Variants in FOXP1 observed in about 807,000 individuals in gnomAD.
The protein encoded by FOXP1 is forkhead box P1.
Under a neutral mutation model 98.2 loss-of-function variants are expected in FOXP1, and 15 were observed. The ratio of observed to expected loss-of-function variants is 0.15; its 90% CI spans 0.10 to 0.24. The LOEUF (loss-of-function observed/expected upper bound fraction) is 0.24, where lower values mean the gene tolerates loss of function less well. Among genes scored for constraint, FOXP1 ranks in the 10% least tolerant of loss-of-function variants. FOXP1 has a pLI of 1.00. For synonymous variants in FOXP1, 371 were observed against 314.5 expected (o/e 1.18, Z -1.90); for missense variants, 633 against 848.5 (o/e 0.75, Z 3.15).
intron 7 of FOXP1, among the ~76,000 whole-genome samples, chr3:71,089,834 G>A (rs1488818460): frequency 6.6e-6 from 1 of 152,234 alleles, no homozygotes; most frequent in Non-Finnish European, 1.5e-5. Context: ...ATCTGTTCAT[G>A]AAACCTTGAG....
intron 6 of FOXP1, among the ~76,000 whole-genome samples, chr3:71,195,654 C>T (rs1217249508): frequency 6.6e-6 from 1 of 152,200 alleles, no homozygotes; most frequent in African/African-American, 2.4e-5. Flanking sequence ...GAAAAGTCAA[C>T]AGGAATTAAA....
chr3:70,973,344 A>T (rs1388207998), intron 17 of FOXP1, among the ~76,000 whole-genome samples: 1 of 148,988 alleles, frequency 6.7e-6, no homozygotes, highest in East Asian at 2.0e-4. Context: ...ATTTTAACTG[A>T]GTAAATGCCA....
intron 6 of FOXP1, chr3:71,197,995 T>A: frequency 6.2e-7 from 1 of 1,614,182 alleles, no homozygotes; most frequent in Non-Finnish European, 8.5e-7. Flanking sequence ...GACTTCCAAC[T>A]CCCAAGGGCT....
At chr3:71,356,652 G>A (rs1051085656) in intron 4 of FOXP1, among the ~76,000 whole-genome samples, 24 of 152,262 alleles carry the variant, frequency 1.6e-4, no homozygotes, top group African/African-American at 4.8e-4. Flanking sequence ...TAAGGAGGCC[G>A]TGGCACAGAA....
chr3:71,556,487 G>C (rs1385647272), intron 2 of FOXP1, among the ~76,000 whole-genome samples: 1 of 143,114 alleles, frequency 7.0e-6, no homozygotes, highest in Non-Finnish European at 1.5e-5. Flanking sequence ...TGAGGCAGGA[G>C]AATCGCTTGA....
intron 4 of FOXP1, among the ~76,000 whole-genome samples, chr3:71,348,921 G>T (rs1032511882): frequency 6.6e-6 from 1 of 152,162 alleles, no homozygotes; most frequent in Non-Finnish European, 1.5e-5. Context: ...CATTAGACAA[G>T]AGACCGGACT....
intron 3 of FOXP1, among the ~76,000 whole-genome samples, chr3:71,471,821 G>A (rs967813271): frequency 6.6e-6 from 1 of 152,168 alleles, no homozygotes; most frequent in African/African-American, 2.4e-5. Flanking sequence ...GTTCCCAGGT[G>A]AATAAAATGA....
At chr3:71,481,911 C>T (rs1227405062) in intron 3 of FOXP1, among the ~76,000 whole-genome samples, 3 of 152,082 alleles carry the variant, frequency 2.0e-5, no homozygotes, top group Non-Finnish European at 2.9e-5. Flanking sequence ...TGAAAACGCC[C>T]CACTCCACAA....
chr3:71,284,074 A>G (rs1049554397), intron 5 of FOXP1, among the ~76,000 whole-genome samples: 2 of 152,206 alleles, frequency 1.3e-5, no homozygotes, highest in African/African-American at 4.8e-5. Flanking sequence ...AAAATAAGAT[A>G]AACCTTTTTC....
At chr3:71,224,010 T>A (rs2065632581) in intron 5 of FOXP1, among the ~76,000 whole-genome samples, 1 of 152,108 alleles carries the variant, frequency 6.6e-6, no homozygotes, top group African/African-American at 2.4e-5. Flanking sequence ...TTCCTCCTCA[T>A]AGACTAAGGA....
intron 4 of FOXP1, among the ~76,000 whole-genome samples, chr3:71,306,374 A>G (rs1286402721): frequency 6.6e-6 from 1 of 152,250 alleles, no homozygotes; most frequent in Admixed American, 6.5e-5. Context: ...CTGGAGTTCT[A>G]CTATGGGTTG....
chr3:71,305,403 G>T (rs2107592348), intron 4 of FOXP1, among the ~76,000 whole-genome samples: 1 of 152,260 alleles, frequency 6.6e-6, no homozygotes, highest in South Asian at 2.1e-4. Flanking sequence ...TCTCTAGTGT[G>T]CTATTAATAT....
chr3:71,036,228 C>T (rs1475704266), intron 11 of FOXP1, among the ~76,000 whole-genome samples: 1 of 152,086 alleles, frequency 6.6e-6, no homozygotes, highest in Non-Finnish European at 1.5e-5. Flanking sequence ...AAAATGCAAG[C>T]GACAGTAATA....
Position 71,396,984 on chromosome 3 carries a change from G to GTGTGTA in FOXP1, c.-167-37741_-167-37740insTACACA, listed in dbSNP as rs1476663951. ...TATATGTGTGTATATATATATATGTGTATATATATACACATATATATGTGT... is the reference window on the plus strand; with the variant it reads ...TATATGTGTGTATATATATATATGTGTGTGTATATATATATACACATATATATGTGT... On this transcript the variant is annotated intron_variant, in intron 3 of 20. Coordinates refer to ENST00000649528, the MANE Select transcript of FOXP1 (RefSeq NM_001349338.3). 7.7e-4 allele frequency among the ~76,000 whole-genome samples: 16 copies of GTGTGTA among 20,852 alleles called. 2 individuals are homozygous for GTGTGTA. Among genetic ancestry groups the GTGTGTA allele is most frequent in the South Asian group, 1.1e-3 (1 of 932 alleles). The allele number at this position is 20,852 out of a possible 152,430, so 13.7% of individuals were successfully genotyped here.
chr3:71,264,914 A>G (rs1259720698), intron 5 of FOXP1, among the ~76,000 whole-genome samples: 1 of 152,198 alleles, frequency 6.6e-6, no homozygotes, highest in East Asian at 1.9e-4. Context: ...CCTATCATAC[A>G]GTTGAGAAAA....
chr3:71,127,011 T>C (rs543488615), intron 6 of FOXP1, among the ~76,000 whole-genome samples: 3 of 152,312 alleles, frequency 2.0e-5, no homozygotes, highest in Non-Finnish European at 4.4e-5. Context: ...GTAGAGATTT[T>C]TTTTTCAAAT....
intron 5 of FOXP1, among the ~76,000 whole-genome samples, chr3:71,200,109 A>AG (rs2063576495): frequency 6.8e-6 from 1 of 146,220 alleles, no homozygotes; most frequent in Non-Finnish European, 1.5e-5. Flanking sequence ...AAAAAAAGAG[A>AG]GAAAATATCA....
chr3:71,375,437 T>C (rs1254815435), intron 3 of FOXP1, among the ~76,000 whole-genome samples: 1 of 152,228 alleles, frequency 6.6e-6, no homozygotes, highest in Non-Finnish European at 1.5e-5. Flanking sequence ...ATGATGTATA[T>C]ACACGTTTTG....
In FOXP1 at chr3:70,957,488, C is replaced by G. The variant is rs1248379308; in HGVS notation, c.*1759G>C. 1 of 230,292 alleles carries G rather than the reference C, an allele frequency of 4.3e-6. No homozygotes were observed. Among genetic ancestry groups the G allele is most frequent in the African/African-American group, 2.2e-5 (1 of 45,130 alleles). The allele number at this position is 230,292 out of a possible 1,614,324, so 14.3% of individuals were successfully genotyped here. Reference sequence around the variant, plus strand: ...ATCAGATAAAGCATAAAACAGAGAACATAATTTACCTTTGTGTAATATCTT... The same window carrying G: ...ATCAGATAAAGCATAAAACAGAGAAGATAATTTACCTTTGTGTAATATCTT... On this transcript the variant is annotated 3_prime_UTR_variant, in exon 21 of 21. Transcript: ENST00000649528.
Sources: allele counts gnomAD v4.1 joint callset (sites outside exome capture counted in the v4.1 genomes callset), GRCh38; gene constraint gnomAD v4.1.1; transcripts MANE v1.5; gene names NCBI Gene and HGNC (gene_info 2026-07-23, HGNC 2026-07-21).